Variants in CDK13 observed in about 807,000 individuals in gnomAD.
CDK13 encodes the protein cyclin dependent kinase 13.
In CDK13, 40 loss-of-function variants were observed where a neutral mutation model predicts 137.6. The observed-to-expected ratio is 0.29, with a 90% CI of 0.23 to 0.38. The LOEUF (loss-of-function observed/expected upper bound fraction) is 0.38, where lower values mean the gene tolerates loss of function less well. Among genes scored for constraint, CDK13 ranks in the 10% least tolerant of loss-of-function variants. The pLI is 1.00. For missense variants in CDK13, 1,704 were observed against 1,951.8 expected (o/e 0.87, Z 2.39); for synonymous variants, 869 against 760.1 (o/e 1.14, Z -2.36).
At chr7:40,076,977 A>G (rs1786558673) in intron 9 of CDK13, among the ~76,000 whole-genome samples, 1 of 151,936 alleles carries the variant, frequency 6.6e-6, no homozygotes, top group Non-Finnish European at 1.5e-5. Context: ...TCATCTACCT[A>G]TTACTAAATC....
intron 1 of CDK13, chr7:39,986,662 T>C (rs376551032): frequency 1.3e-5 from 2 of 152,200 alleles, no homozygotes; most frequent in East Asian, 1.9e-4. Context: ...ATATTAACTT[T>C]TTTACTCTCA....
chr7:40,089,446 A>AG (rs1202616455), intron 12 of CDK13, among the ~76,000 whole-genome samples: 1 of 152,040 alleles, frequency 6.6e-6, no homozygotes, highest in East Asian at 1.9e-4. Context: ...TCAAAAAAAA[A>AG]AAAAAAAAGG....
intron 1 of CDK13, among the ~76,000 whole-genome samples, chr7:39,968,294 A>G (rs1476335499): frequency 6.6e-6 from 1 of 152,166 alleles, no homozygotes; most frequent in East Asian, 1.9e-4. Context: ...TATAACCACG[A>G]AACCTTTGCC....
chr7:39,968,340 A>G (rs1049208717), intron 1 of CDK13, among the ~76,000 whole-genome samples: 4 of 151,862 alleles, frequency 2.6e-5, no homozygotes, highest in Admixed American at 6.6e-5. Context: ...TCTCCTTTCT[A>G]CTGTATAAGG....
chr7:40,041,559 AT>A (rs1355869115), intron 5 of CDK13, among the ~76,000 whole-genome samples: 2 of 152,290 alleles, frequency 1.3e-5, no homozygotes, highest in East Asian at 3.9e-4. Flanking sequence ...AACTAGCCAC[AT>A]TTCAAGAGCT....
chr7:40,005,335 G>C (rs905503463), intron 5 of CDK13, among the ~76,000 whole-genome samples: 1 of 150,288 alleles, frequency 6.7e-6, no homozygotes, highest in African/African-American at 2.5e-5. Context: ...TGTTGCCCAG[G>C]CTGGAGTGCA....
At chr7:40,013,886 T>C (rs1463527827) in intron 5 of CDK13, among the ~76,000 whole-genome samples, 1 of 152,136 alleles carries the variant, frequency 6.6e-6, no homozygotes, top group Non-Finnish European at 1.5e-5. Flanking sequence ...GTCTCTGTTA[T>C]AAAAGATGAG....
chr7:40,094,934 T>C lies in CDK13; in HGVS notation c.4493T>C (p.Ile1498Thr), dbSNP rs373711359. The change falls in exon 14 of 14, where the codon ATT becomes ACT. Residue 1498 changes from isoleucine to threonine, a missense_variant. Physicochemically the swap from Ile to Thr is moderately conservative, Grantham distance 89 (BLOSUM62 -1). This residue lies in a region of CDK13 where 475 missense variants were observed against 579.3 expected (regional missense o/e 0.82). Coordinates refer to ENST00000181839, the MANE Select transcript of CDK13 (RefSeq NM_003718.5). Reference protein sequence around the residue: ...PGYSQGYRGHISTSTGRGRGR... With the variant: ...PGYSQGYRGHTSTSTGRGRGR... ...TATTCACAAGGATACAGGGGACATA[T>C]TAGCACATCAACTGGCAGAGGCAGA... The C allele has an allele frequency of 8.3e-6, 12 of 1,454,268 alleles. No homozygotes were observed. In the Admixed American group the frequency reaches 1.0e-4, roughly 12 times the overall value. The allele number at this position is 1,454,268 out of a possible 1,614,324, so 90.1% of individuals were successfully genotyped here.
Position 40,096,825 on chromosome 7 carries a change from GAAAT to G in CDK13, c.*1846_*1849del, listed in dbSNP as rs1300116526. On this transcript the variant is annotated 3_prime_UTR_variant, in exon 14 of 14. Coordinates refer to ENST00000181839, the MANE Select transcript of CDK13 (RefSeq NM_003718.5). ...GATGGACTCTTTTTGTTGGGAGAAA[GAAAT>G]GAATGGAAGAAAAAAATATGTTGCT... 18 of 152,082 alleles carry G rather than the reference GAAAT, an allele frequency of 1.2e-4. No individual in the cohort carries two copies. In the East Asian group the frequency reaches 2.9e-3, roughly 24 times the overall value. 9.4% of individuals were successfully genotyped at this position (152,082 alleles called of 1,614,324 possible).
At chr7:39,956,631 C>T (rs571478249) in intron 1 of CDK13, among the ~76,000 whole-genome samples, 2 of 152,256 alleles carry the variant, frequency 1.3e-5, no homozygotes, top group African/African-American at 4.8e-5. Context: ...CTTGCCCACC[C>T]TGGAGTGCAG....
At position 39,951,237 on chromosome 7, in the gene CDK13, G is replaced by T; in HGVS notation, c.596G>T (p.Arg199Leu). 2.3e-6 allele frequency: 3 copies of T among 1,286,948 alleles called. No homozygotes were observed. The highest frequency in any genetic ancestry group is 2.9e-6 in the Non-Finnish European group (3 of 1,020,982). 79.7% of individuals were successfully genotyped at this position (1,286,948 alleles called of 1,614,324 possible). A position where few individuals can be genotyped will look rare whatever the true frequency, so the allele number is the denominator to read the frequency against. Residue 199 changes from arginine to leucine, a missense_variant, in exon 1 of 14, where the codon CGC (arginine) becomes CTC (leucine). This residue lies in a region of CDK13 where 1,051 missense variants were observed against 931.0 expected (regional missense o/e 1.13). Coordinates refer to ENST00000181839, the MANE Select transcript of CDK13 (RefSeq NM_003718.5). ...GGGGAGGGGTCGGAGCGCAGGCCCC[G>T]CCGGGACCGCCGCAGCAGCAGTGGC... The part of the protein sequence containing the change: ...RRGEGSERRP[R>L]RDRRSSSGRS...
Position 40,091,084 on chromosome 7 carries a change from G to A in CDK13, c.3236-1701G>A, listed in dbSNP as rs181132390. On this transcript the variant is annotated intron_variant, in intron 12 of 13. Transcript: ENST00000181839. ...CAACTGGCCGGGCATGGTGGCTCAC[G>A]CCTGTAATCCCAGCACTTTGGGAGG... Among the ~76,000 whole-genome samples, 15 of 152,288 alleles carry A rather than the reference G, an allele frequency of 9.8e-5. No individual in the cohort carries two copies. In the South Asian group the frequency reaches 1.0e-3, roughly 11 times the overall value.
chr7:40,032,803 G>A (rs1785408371), intron 5 of CDK13, among the ~76,000 whole-genome samples: 1 of 151,742 alleles, frequency 6.6e-6, no homozygotes, highest in South Asian at 2.1e-4. Context: ...TAGCTTTATG[G>A]TCAGTCTTAA....
chr7:39,986,156 A>ATTTTACCCAATTTCTTATC (rs1175121825), intron 1 of CDK13: 1 of 152,172 alleles, frequency 6.6e-6, no homozygotes, highest in Admixed American at 6.5e-5. Flanking sequence ...GTAACGTAAT[A>ATTTTACCCAATTTCTTATC]TTTTACCCAA....
chr7:40,088,036 G>A lies in CDK13; in HGVS notation c.3030-90G>A, dbSNP rs570353693. ...TATGAAGTCTTCAAGAACTATTTGGGGTGGGGGCATAACTTTGTTGCTATA... is the reference window on the plus strand; with the variant it reads ...TATGAAGTCTTCAAGAACTATTTGGAGTGGGGGCATAACTTTGTTGCTATA... On this transcript the variant is annotated intron_variant, in intron 11 of 13. Transcript: ENST00000181839. 1.3e-4 allele frequency: 124 copies of A among 976,026 alleles called. 1 individual carries two copies. The Middle Eastern group carries it at 1.9e-3, about 15-fold the overall frequency. 60.5% of individuals were successfully genotyped at this position (976,026 alleles called of 1,614,324 possible). A position where few individuals can be genotyped will look rare whatever the true frequency, so the allele number is the denominator to read the frequency against.
In CDK13 at chr7:40,094,898, A is replaced by G. The variant is rs1157968088; in HGVS notation, c.4457A>G (p.Gln1486Arg). 1.3e-6 allele frequency: 2 copies of G among 1,509,600 alleles called. No homozygotes were observed. The highest frequency in any genetic ancestry group is 2.3e-5 in the East Asian group (1 of 43,746). The allele number at this position is 1,509,600 out of a possible 1,614,324, so 93.5% of individuals were successfully genotyped here. The change falls in exon 14 of 14, where the codon CAA becomes CGA. Residue 1486 changes from glutamine (Q) to arginine (R), a missense_variant. Physicochemically the swap from Gln to Arg is conservative, Grantham distance 43. This residue lies in a region of CDK13 where 475 missense variants were observed against 579.3 expected (regional missense o/e 0.82). Coordinates refer to ENST00000181839, the MANE Select transcript of CDK13 (RefSeq NM_003718.5). The stretch of plus-strand genomic sequence containing the variant: ...GGACAGACCTGGACTTCTCCTGCCC[A>G]AGGACCTGGATATTCACAAGGATAC... ...MHGQTWTSPAQGPGYSQGYRG... is the reference protein window; with the variant it reads ...MHGQTWTSPARGPGYSQGYRG...
At chr7:40,002,918 A>C (rs960445506) in intron 5 of CDK13, among the ~76,000 whole-genome samples, 9 of 146,786 alleles carry the variant, frequency 6.1e-5, no homozygotes, top group Admixed American at 2.0e-4. Flanking sequence ...AAAAAAAAAA[A>C]CAACCAGAAA....
chr7:40,038,725 C>T (rs535668536), intron 5 of CDK13, among the ~76,000 whole-genome samples: 4 of 152,176 alleles, frequency 2.6e-5, no homozygotes, highest in East Asian at 1.9e-4. Flanking sequence ...GACGGAGTTT[C>T]GCTCTTGTTG....
chr7:40,025,590 A>G (rs1785226556), intron 5 of CDK13, among the ~76,000 whole-genome samples: 1 of 152,184 alleles, frequency 6.6e-6, no homozygotes, highest in Non-Finnish European at 1.5e-5. Flanking sequence ...TTGATTGGGC[A>G]TTTACAGCCT....
Sources: gnomAD v4.1 joint callset for allele counts (sites outside exome capture counted in the v4.1 genomes callset) on GRCh38, gnomAD v4.1.1 for gene constraint, gnomAD v4.1.1 regional missense constraint, MANE v1.5 for transcripts, NCBI Gene and HGNC (gene_info 2026-07-23, HGNC 2026-07-21) for gene names.